The following MAPK8IP2 variants were observed in gnomAD, a reference collection of about 807,000 sequenced individuals.
MAPK8IP2 encodes the protein mitogen-activated protein kinase 8 interacting protein 2, also known as C-Jun-amino-terminal kinase-interacting protein 2.
In MAPK8IP2, 15 loss-of-function variants were observed where a neutral mutation model predicts 75.6. That is an observed-to-expected ratio of 0.20 (90% CI 0.13 to 0.31). MAPK8IP2 has a LOEUF of 0.31. Among genes scored for constraint, MAPK8IP2 ranks in the 10% least tolerant of loss-of-function variants. MAPK8IP2 has a pLI of 1.00. For missense variants in MAPK8IP2, 1,089 were observed against 1,211.2 expected, an observed-to-expected ratio of 0.90 and a Z score of 1.50; for synonymous variants, 632 against 554.5, an observed-to-expected ratio of 1.14 and a Z score of -1.96.
chr22:50,610,382 G>A lies in MAPK8IP2; in HGVS notation c.2402+72G>A, dbSNP rs756835202. On this transcript the variant is annotated intron_variant, in intron 11 of 11. Transcript: ENST00000329492. The surrounding 1 kb of genome is among the most constrained non-coding windows in gnomAD (Gnocchi z 4.3). The stretch of plus-strand genomic sequence containing the variant: ...GGAGGTGGGGAGCGGAGGTGAGCAG[G>A]TGGGGGCAGGAGCCTGGCAGGGGAG... The A allele has an allele frequency of 3.6e-4, 478 of 1,318,788 alleles. No homozygotes were observed. The highest frequency in any genetic ancestry group is 4.7e-4 in the Non-Finnish European group (442 of 940,300). 81.7% of individuals were successfully genotyped at this position (1,318,788 alleles called of 1,614,324 possible).
rs1471743109 is a variant in MAPK8IP2 at position 50,604,154 on chromosome 22, C to G, written c.855C>G (p.Ser285Arg). ...AGCTGAGCAGCGATGGCGGAAGCAG[C>G]AGCAGCGGCCGCTCCTCGCACCTCA... ...ELELSSDGGS[S>R]SSGRSSHLTN... Residue 285 changes from serine to arginine, a missense_variant, in exon 5 of 12, where the codon AGC (serine) becomes AGG (arginine). Coordinates refer to ENST00000329492, the MANE Select transcript of MAPK8IP2 (RefSeq NM_012324.6). 6.4e-7 allele frequency: 1 copy of G among 1,552,816 alleles called. No homozygotes were observed. Among genetic ancestry groups the G allele is most frequent in the Non-Finnish European group, 8.6e-7 (1 of 1,158,162 alleles).
chr22:50,605,797 C>G, intron 7 of MAPK8IP2, 28 bp from the exon 8 acceptor site: 1 of 1,594,186 alleles, frequency 6.3e-7, no homozygotes, highest in South Asian at 1.1e-5. Flanking sequence ...CCCTGCCTGA[C>G]CTGGGCCCTC....
In MAPK8IP2 at chr22:50,603,216, C is replaced by G; in HGVS notation, c.172-7C>G. On this transcript the variant is annotated splice_polypyrimidine_tract_variant and splice_region_variant and intron_variant, in intron 2 of 11. Transcript: ENST00000329492. Reference sequence around the variant, plus strand: ...GCCCAGCCCTGCTATCTCCCTCCGTCCTGCAGGACAGCCTCTCCCTGGGGC... The same window carrying G: ...GCCCAGCCCTGCTATCTCCCTCCGTGCTGCAGGACAGCCTCTCCCTGGGGC... The G allele has an allele frequency of 6.2e-7, 1 of 1,611,954 alleles. No individual in the cohort carries two copies. Among genetic ancestry groups the G allele is most frequent in the Non-Finnish European group, 8.5e-7 (1 of 1,179,694 alleles).
rs759183312 is a variant in MAPK8IP2 at position 50,606,892 on chromosome 22, A to C, written c.2233-29A>C. 11 of 1,611,848 alleles carry C rather than the reference A, an allele frequency of 6.8e-6. No homozygotes were observed. The East Asian group carries it at 2.5e-4, about 36-fold the overall frequency. ...GGGGTGGCGCCAGGCCTCCTTTGAC[A>C]CAGGGACTTCTGCCCACCTCTGCTC... On this transcript the variant is annotated intron_variant, in intron 9 of 11. Transcript: ENST00000329492.
At chr22:50,605,242 C>G in intron 5 of MAPK8IP2, 126 bp from the exon 6 acceptor site, 1 of 1,133,554 alleles carries the variant, frequency 8.8e-7, no homozygotes, top group Non-Finnish European at 1.3e-6. Flanking sequence ...TCAGCTCCTT[C>G]CCGCTCGTAG....
Position 50,604,378 on chromosome 22 carries a change from C to G in MAPK8IP2, c.1079C>G (p.Ser360Cys). The G allele has an allele frequency of 6.5e-7, 1 of 1,530,118 alleles. No homozygotes were observed. The highest frequency in any genetic ancestry group is 1.2e-5 in the South Asian group (1 of 83,570). The allele number at this position is 1,530,118 out of a possible 1,614,324, so 94.8% of individuals were successfully genotyped here. A position where few individuals can be genotyped will look rare whatever the true frequency, so the allele number is the denominator to read the frequency against. The change falls in exon 5 of 12, where the codon TCC becomes TGC. Residue 360 changes from serine to cysteine, a missense_variant. Physicochemically the swap from Ser to Cys is moderately radical, Grantham distance 112 (BLOSUM62 -1). Coordinates refer to ENST00000329492, the MANE Select transcript of MAPK8IP2 (RefSeq NM_012324.6). Reference protein sequence around the residue: ...LLSNLVSRMISEGSSPIRCPG... With the variant: ...LLSNLVSRMICEGSSPIRCPG... ...AGCAACCTGGTGAGCCGCATGATCT[C>G]CGAGGGCTCCTCGCCCATCCGCTGC...
At chr22:50,605,199 C>A in intron 5 of MAPK8IP2, 135 bp downstream of exon 5, 1 of 1,175,724 alleles carries the variant, frequency 8.5e-7, no homozygotes, top group Non-Finnish European at 1.2e-6. Context: ...CCCTCTCCCA[C>A]CCAGGACATG....
In MAPK8IP2 at chr22:50,603,655, C is replaced by T; in HGVS notation, c.477C>T (p.Asp159=). The stretch of plus-strand genomic sequence containing the variant: ...CCCTAAACAACAACGGAGGCTTTGA[C>T]CTGGTGCGTCCGGCCTCCTGGCAGG... ...QDSLNNNGGF[D]LVRPASWQET... The change falls in exon 4 of 12, where the codon GAC becomes GAT. Residue 159 remains aspartate, a synonymous_variant. Transcript: ENST00000329492. 6.3e-7 allele frequency: 1 copy of T among 1,593,030 alleles called. No individual in the cohort carries two copies. Among genetic ancestry groups the T allele is most frequent in the South Asian group, 1.1e-5 (1 of 87,798 alleles).
rs191990228 is a variant in MAPK8IP2 at position 50,601,603 on chromosome 22, G to C, written c.66-186G>C. The C allele has an allele frequency of 2.7e-3, 1,569 of 575,734 alleles. 29 individuals are homozygous for C. Among genetic ancestry groups the C allele is most frequent in the Non-Finnish European group, 5.5e-4 (176 of 319,916 alleles). 35.7% of individuals were successfully genotyped at this position (575,734 alleles called of 1,614,324 possible). On this transcript the variant is annotated intron_variant, in intron 1 of 11. Transcript: ENST00000329492. ...TCCTCCGGGCAGGCCTGGCTCAGAT[G>C]GGGGAGGGGATCCACAGGCGAGCAG... is the stretch of plus-strand genomic sequence containing the variant.
In MAPK8IP2 at chr22:50,604,767, G is replaced by A. The variant is rs577269025; in HGVS notation, c.1468G>A (p.Gly490Arg). The A allele has an allele frequency of 1.5e-5, 23 of 1,543,890 alleles. No individual in the cohort carries two copies. In the African/African-American group the frequency reaches 2.6e-4, roughly 17 times the overall value. ...EDAEDSAGSP[G>R]GRGTGPSAPR... ...TGCCGAGGACAGTGCGGGGTCCCCC[G>A]GGGGCAGGGGCACGGGCCCCTCGGC... Residue 490 changes from glycine to arginine, a missense_variant, in exon 5 of 12, where the codon GGG becomes AGG. This residue lies in a region of MAPK8IP2 where 960 missense variants were observed against 1,009.6 expected (regional missense o/e 0.95). Coordinates refer to ENST00000329492, the MANE Select transcript of MAPK8IP2 (RefSeq NM_012324.6).
In MAPK8IP2 at chr22:50,606,751, G is replaced by A. The variant is rs370757257; in HGVS notation, c.2218G>A (p.Gly740Arg). 3.5e-5 allele frequency: 55 copies of A among 1,582,718 alleles called. No individual in the cohort carries two copies. The highest frequency in any genetic ancestry group is 5.4e-5 in the African/African-American group (4 of 74,356). ...SLRGVKLSLS[G>R]GGPEFQRCSH... Reference sequence around the variant, plus strand: ...TCGGGGGGTCAAGCTGAGTCTGAGCGGAGGAGGGCCCGAGGTGGGAGTGTG... The same window carrying A: ...TCGGGGGGTCAAGCTGAGTCTGAGCAGAGGAGGGCCCGAGGTGGGAGTGTG... The change falls in exon 9 of 12, where the codon GGA becomes AGA. Residue 740 changes from glycine to arginine, a missense_variant. By Grantham distance (125) the Gly-to-Arg change is moderately radical. Coordinates refer to ENST00000329492, the MANE Select transcript of MAPK8IP2 (RefSeq NM_012324.6).
Position 50,613,334 on chromosome 22 carries a change from CTGTTT to C in MAPK8IP2, c.*2557_*2561del, listed in dbSNP as rs961479352. 7.2e-5 allele frequency: 11 copies of C among 152,654 alleles called. No homozygotes were observed. Among genetic ancestry groups the C allele is most frequent in the African/African-American group, 2.4e-4 (10 of 41,454 alleles). The allele number at this position is 152,654 out of a possible 1,614,324, so 9.5% of individuals were successfully genotyped here. On this transcript the variant is annotated 3_prime_UTR_variant, in exon 12 of 12. Transcript: ENST00000329492. ...CCCGACCCCTGCATTCATCTGTGTT[CTGTTT>C]TATGTTTTTTCCCAGTCACCTGAGC...
At chr22:50,602,948 G>A (rs2070961337) in intron 2 of MAPK8IP2, among the ~76,000 whole-genome samples, 2 of 152,220 alleles carry the variant, frequency 1.3e-5, no homozygotes, top group Non-Finnish European at 2.9e-5. Context: ...AATGTGATGG[G>A]GTTCTGCAGT....
At position 50,603,240 on chromosome 22, in the gene MAPK8IP2, G is replaced by A. The variant is rs1603444249; in HGVS notation, c.189G>A (p.Gly63=). 6.2e-7 allele frequency: 1 copy of A among 1,608,964 alleles called. No individual in the cohort carries two copies. Among genetic ancestry groups the A allele is most frequent in the East Asian group, 2.2e-5 (1 of 44,764 alleles). Reference sequence around the variant, plus strand: ...TCCTGCAGGACAGCCTCTCCCTGGGGCGCTCGGAGCAGCCGCACCCCATCT... The same window carrying A: ...TCCTGCAGGACAGCCTCTCCCTGGGACGCTCGGAGCAGCCGCACCCCATCT... The part of the protein sequence containing the change: ...DHCEKDSLSL[G]RSEQPHPICS... The change falls in exon 3 of 12, where the codon GGG becomes GGA. Residue 63 remains glycine, a synonymous_variant. Coordinates refer to ENST00000329492, the MANE Select transcript of MAPK8IP2 (RefSeq NM_012324.6).
chr22:50,604,971 C>G lies in MAPK8IP2; in HGVS notation c.1672C>G (p.Gln558Glu). 6.2e-7 allele frequency: 1 copy of G among 1,612,280 alleles called. No individual in the cohort carries two copies. Among genetic ancestry groups the G allele is most frequent in the Non-Finnish European group, 8.5e-7 (1 of 1,179,766 alleles). The change falls in exon 5 of 12, where the codon CAG becomes GAG. Residue 558 changes from glutamine to glutamate, a missense_variant. Gln to Glu is a conservative substitution (Grantham distance 29). Transcript: ENST00000329492. ...GGGCGCGGCGCTGCTAGGCGGCGGT[C>G]AGGTCTCGGGGGACACCTCGCCGGA... ...EAGAALLGGG[Q>E]VSGDTSPDSP...
rs751857206 is a variant in MAPK8IP2, at chr22:50,605,416, G to A, written c.1814G>A (p.Arg605Gln). The A allele has an allele frequency of 1.1e-5, 18 of 1,613,558 alleles. No homozygotes were observed. Among genetic ancestry groups the A allele is most frequent in the African/African-American group, 5.3e-5 (4 of 74,936 alleles). Residue 605 changes from arginine to glutamine, a missense_variant, in exon 6 of 12, where the codon CGA (arginine) becomes CAA (glutamine). Coordinates refer to ENST00000329492, the MANE Select transcript of MAPK8IP2 (RefSeq NM_012324.6). ...TCCTGTCTGGTCAACGGCGAGGAGC[G>A]AGAGCAGACTCACCGGGCTGTGTTC... is the stretch of plus-strand genomic sequence containing the variant. Reference protein sequence around the residue: ...LFSCLVNGEEREQTHRAVFRF... With the variant: ...LFSCLVNGEEQEQTHRAVFRF...
chr22:50,606,307 C>G (rs1196420823), intron 8 of MAPK8IP2, among the ~76,000 whole-genome samples: 1 of 127,812 alleles, frequency 7.8e-6, no homozygotes, highest in African/African-American at 2.7e-5. Context: ...TAGTGAGCAC[C>G]TGCCCAGGCA....
chr22:50,610,713 C>T lies in MAPK8IP2; in HGVS notation c.2409C>T (p.Ala803=), dbSNP rs2071134476. 1.9e-6 allele frequency: 3 copies of T among 1,606,928 alleles called. No homozygotes were observed. The East Asian group carries it at 6.7e-5, about 36-fold the overall frequency. ...MRPVAQSVGR[A]FLEYYQEHLA... is the part of the protein sequence containing the mutation. ...GAGGACCGTCTTTCCCCAGCCGCGC[C>T]TTCCTGGAGTACTACCAAGAGCACC... The change falls in exon 12 of 12, where the codon GCC becomes GCT. Residue 803 remains alanine (A), a synonymous_variant. Coordinates refer to ENST00000329492, the MANE Select transcript of MAPK8IP2 (RefSeq NM_012324.6). The surrounding 1 kb of genome is among the most constrained non-coding windows in gnomAD (Gnocchi z 4.3).
chr22:50,603,555 C>T (rs1037896881), intron 3 of MAPK8IP2, 57 bp downstream of exon 3: 3 of 1,576,904 alleles, frequency 1.9e-6, no homozygotes, highest in Non-Finnish European at 2.6e-6. Flanking sequence ...AGCACCTGGG[C>T]TGCAGCCAGC....
Sources: allele counts gnomAD v4.1 joint callset (sites outside exome capture counted in the v4.1 genomes callset), GRCh38; gene constraint gnomAD v4.1.1; regional missense constraint gnomAD v4.1.1; non-coding constraint Gnocchi (gnomAD v3.1); transcripts MANE v1.5; gene names NCBI Gene and HGNC (gene_info 2026-07-23, HGNC 2026-07-21).